Variants in AHNAK observed in about 807,000 individuals in gnomAD.
AHNAK encodes AHNAK nucleoprotein.
AHNAK carries 23 observed loss-of-function variants against 37.8 expected under a neutral mutation model. That is an observed-to-expected ratio of 0.61 (90% CI 0.44 to 0.86). AHNAK has a LOEUF of 0.86. Among genes scored for constraint, AHNAK ranks in the 40% least tolerant of loss-of-function variants. AHNAK has a pLI of 0.00. For missense variants in AHNAK, 7,411 were observed against 7,319.4 expected (o/e 1.01, Z -0.46); for synonymous variants, 2,481 against 2,636.3 (o/e 0.94, Z 1.80).
chr11:62,532,970 T>C lies in AHNAK; in HGVS notation c.1447A>G (p.Met483Val), dbSNP rs1272262449. ...GGAGTCTTCACTTTAGTACCTTTCA[T>C]CTTTCCTTCCAGCCCACCAGTAGCA... ...EIATGGLEGK[M>V]KGTKVKTPEM... is the part of the protein sequence containing the mutation. The change falls in exon 5 of 5, where the codon ATG (methionine) becomes GTG (valine). Residue 483 changes from methionine (M) to valine (V), a missense_variant. Physicochemically the swap from Met to Val is conservative, Grantham distance 21 (BLOSUM62 1). Transcript: ENST00000378024. 6.2e-7 allele frequency: 1 copy of C among 1,614,150 alleles called. No homozygotes were observed. Among genetic ancestry groups the C allele is most frequent in the Non-Finnish European group, 8.5e-7 (1 of 1,180,016 alleles).
At chr11:62,440,303 C>G (rs954409005) in intron 5 of AHNAK, among the ~76,000 whole-genome samples, 1 of 151,950 alleles carries the variant, frequency 6.6e-6, no homozygotes, top group African/African-American at 2.4e-5. Context: ...TGTGTCAGAG[C>G]CGAAAATGTT....
intron 5 of AHNAK, among the ~76,000 whole-genome samples, chr11:62,490,661 G>A (rs564342876): frequency 5.1e-4 from 77 of 152,284 alleles, no homozygotes; most frequent in South Asian, 2.7e-3. Flanking sequence ...AGAAGGAAGC[G>A]GAGCTCCCTT....
chr11:62,534,943 G>T, intron 4 of AHNAK, 60 bp downstream of exon 4: 2 of 1,561,288 alleles, frequency 1.3e-6, no homozygotes, highest in Non-Finnish European at 8.7e-7. Context: ...CAGGAGTGGG[G>T]TCAGCAGGCC....
chr11:62,476,145 C>T (rs570784059), intron 5 of AHNAK, among the ~76,000 whole-genome samples: 89 of 152,172 alleles, frequency 5.8e-4, no homozygotes, highest in African/African-American at 2.0e-3. Context: ...AAGTTCTGGC[C>T]GGACGGCTGA....
chr11:62,451,899 C>T (rs961967712), intron 5 of AHNAK, among the ~76,000 whole-genome samples: 1 of 151,152 alleles, frequency 6.6e-6, no homozygotes, highest in Admixed American at 6.6e-5. Context: ...GCTCCGCCTC[C>T]CAGGTTCACG....
chr11:62,505,319 G>A (rs1939790629), intron 4 of AHNAK, among the ~76,000 whole-genome samples: 1 of 152,118 alleles, frequency 6.6e-6, no homozygotes, highest in African/African-American at 2.4e-5. Context: ...AACGGGTCAT[G>A]AGGCCCAAAT....
At chr11:62,476,997 C>T (rs562695014) in intron 5 of AHNAK, among the ~76,000 whole-genome samples, 2 of 152,162 alleles carry the variant, frequency 1.3e-5, no homozygotes, top group Non-Finnish European at 2.9e-5. Context: ...CATGACAATG[C>T]CCGACCGCAT....
At chr11:62,538,172 G>A (rs1391639807) in intron 1 of AHNAK, among the ~76,000 whole-genome samples, 2 of 152,092 alleles carry the variant, frequency 1.3e-5, no homozygotes, top group African/African-American at 4.8e-5. Context: ...AGCTCTGGGA[G>A]CCCTGCCACA....
intron 5 of AHNAK, among the ~76,000 whole-genome samples, chr11:62,485,563 A>G (rs1396596955): frequency 1.3e-5 from 2 of 151,916 alleles, no homozygotes; most frequent in South Asian, 2.1e-4. Flanking sequence ...TTAGCTGGGC[A>G]TGGTGGCAGG....
At chr11:62,463,413 C>T (rs996923776) in intron 5 of AHNAK, among the ~76,000 whole-genome samples, 1 of 152,124 alleles carries the variant, frequency 6.6e-6, no homozygotes, top group Non-Finnish European at 1.5e-5. Flanking sequence ...TTAGCAAATT[C>T]GCCTGTCCCT....
chr11:62,515,880 C>T, downstream of AHNAK: 1 of 1,113,332 alleles, frequency 9.0e-7, no homozygotes, highest in Non-Finnish European at 1.1e-6. Flanking sequence ...CCCCGCAACA[C>T]AGAATGCAAA....
rs1940509460 is a variant in AHNAK, at chr11:62,526,839, C to T, written c.7578G>A (p.Glu2526=). ...GCAAGTTGACGTCTACTTCAGGGCC[C>T]TCTGCTTTGAAGCCAGGCATGCTGA... is the stretch of plus-strand genomic sequence containing the variant. The part of the protein sequence containing the change: ...PKFSMPGFKA[E]GPEVDVNLPK... The change falls in exon 5 of 5, where the codon GAG becomes GAA. Residue 2526 remains glutamate (E), a synonymous_variant. Coordinates refer to ENST00000378024, the MANE Select transcript of AHNAK (RefSeq NM_001620.3). 3.1e-6 allele frequency: 5 copies of T among 1,613,534 alleles called. No individual in the cohort carries two copies. The highest frequency in any genetic ancestry group is 4.2e-6 in the Non-Finnish European group (5 of 1,179,928).
At chr11:62,515,241 G>A (rs535965008), downstream of AHNAK, among the ~76,000 whole-genome samples, 41 of 152,288 alleles carry the variant, frequency 2.7e-4, no homozygotes, top group Middle Eastern at 6.8e-3. Flanking sequence ...CACCCTGGCC[G>A]GGCGCAGTGG....
Position 62,518,597 on chromosome 11 carries a change from C to G in AHNAK, c.15820G>C (p.Glu5274Gln), listed in dbSNP as rs144898392. 2.5e-6 allele frequency: 4 copies of G among 1,614,200 alleles called. No individual in the cohort carries two copies. In the East Asian group the frequency reaches 8.9e-5, roughly 36 times the overall value. ...CCCTTTAGAGAAACATCGGGCCCTT[C>G]GAGCTTAACATCTGGTCCTCTCAAG... ...GDLRGPDVKL[E>Q]GPDVSLKGPG... Residue 5274 changes from glutamate (E) to glutamine (Q), a missense_variant, in exon 5 of 5, where the codon GAA becomes CAA. Transcript: ENST00000378024.
At position 62,523,488 on chromosome 11, in the gene AHNAK, T is replaced by C. The variant is rs771895113; in HGVS notation, c.10929A>G (p.Pro3643=). ...CATCTGGACCTTCAATATTCACGTC[T>C]GGAACATCAACGTCTACATTGGGAC... The part of the protein sequence containing the change: ...ISGPNVDVDV[P]DVNIEGPDAK... The change falls in exon 5 of 5, where the codon CCA becomes CCG. Residue 3643 remains proline, a synonymous_variant. Coordinates refer to ENST00000378024, the MANE Select transcript of AHNAK (RefSeq NM_001620.3). 6.2e-7 allele frequency: 1 copy of C among 1,613,768 alleles called. No homozygotes were observed. Among genetic ancestry groups the C allele is most frequent in the African/African-American group, 1.3e-5 (1 of 74,822 alleles).
chr11:62,460,331 A>G (rs918994423), intron 5 of AHNAK, among the ~76,000 whole-genome samples: 7 of 152,130 alleles, frequency 4.6e-5, no homozygotes, highest in Admixed American at 3.3e-4. Flanking sequence ...GACACGCTGC[A>G]TCTGAGATGA....
intron 5 of AHNAK, among the ~76,000 whole-genome samples, chr11:62,450,448 C>T (rs1938512393): frequency 6.6e-6 from 1 of 152,102 alleles, no homozygotes; most frequent in African/African-American, 2.4e-5. Context: ...CTGCCTTGGC[C>T]CCCCAAAGTA....
At chr11:62,459,689 G>C (rs1938744770) in intron 5 of AHNAK, among the ~76,000 whole-genome samples, 1 of 152,146 alleles carries the variant, frequency 6.6e-6, no homozygotes, top group African/African-American at 2.4e-5. Flanking sequence ...CAAAACAAAA[G>C]AGCCTTAAGG....
Position 62,532,048 on chromosome 11 carries a change from G to A in AHNAK, c.2369C>T (p.Pro790Leu). Residue 790 changes from proline to leucine, a missense_variant, in exon 5 of 5, where the codon CCT (proline) becomes CTT (leucine). Pro to Leu is a moderately conservative substitution (Grantham distance 98). Transcript: ENST00000378024. ...ISGPKIDVTA[P>L]DVSIEEPEGK... ...TTCTGGTTCCTCAATGCTCACATCA[G>A]GAGCAGTAACATCTATCTTGGGCCC... 1 of 1,612,730 alleles carries A rather than the reference G, an allele frequency of 6.2e-7. No individual in the cohort carries two copies. The highest frequency in any genetic ancestry group is 8.5e-7 in the Non-Finnish European group (1 of 1,179,790).
Sources: allele counts gnomAD v4.1 joint callset (sites outside exome capture counted in the v4.1 genomes callset), GRCh38; gene constraint gnomAD v4.1.1; transcripts MANE v1.5; gene names NCBI Gene and HGNC (gene_info 2026-07-23, HGNC 2026-07-21).